The following MYO5A variants were observed in gnomAD, a reference collection of about 807,000 sequenced individuals.
MYO5A encodes unconventional myosin-Va.
In MYO5A, 98 loss-of-function variants were observed where a neutral mutation model predicts 249.7. That is an observed-to-expected ratio of 0.39 (90% CI 0.33 to 0.46). The LOEUF is 0.46. Ranked by LOEUF, MYO5A falls within the 20% of genes least tolerant of loss-of-function variation. The pLI, the probability that MYO5A is intolerant of heterozygous loss-of-function variation, is 0.98. For missense variants in MYO5A, 1,696 were observed against 2,308.8 expected, an observed-to-expected ratio of 0.73 and a Z score of 5.44; for synonymous variants, 778 against 810.6, an observed-to-expected ratio of 0.96 and a Z score of 0.68.
At chr15:52,328,451 C>G (rs1370265767) in intron 35 of MYO5A, among the ~76,000 whole-genome samples, 1 of 152,146 alleles carries the variant, frequency 6.6e-6, no homozygotes, top group East Asian at 1.9e-4. Flanking sequence ...ACCACATATC[C>G]AATCCATCAA....
intron 1 of MYO5A, among the ~76,000 whole-genome samples, chr15:52,507,031 C>CT (rs935707724): frequency 7.9e-5 from 12 of 151,970 alleles, no homozygotes; most frequent in African/African-American, 2.7e-4. Context: ...AGAGAAGCTA[C>CT]TTTTTTTTCC....
chr15:52,334,219 A>T (rs1164306110), intron 34 of MYO5A, among the ~76,000 whole-genome samples: 1 of 152,262 alleles, frequency 6.6e-6, no homozygotes, highest in Non-Finnish European at 1.5e-5. Context: ...ACTAATAAAA[A>T]TTATGTAAAA....
chr15:52,381,761 G>GTC (rs201082702), intron 16 of MYO5A, among the ~76,000 whole-genome samples: 122 of 143,642 alleles, frequency 8.5e-4, no homozygotes, highest in East Asian at 5.9e-3. Context: ...CCCTCCTTTT[G>GTC]TGTCTCTCTC....
At chr15:52,470,518 C>T (rs563848948) in intron 1 of MYO5A, among the ~76,000 whole-genome samples, 36 of 152,158 alleles carry the variant, frequency 2.4e-4, no homozygotes, top group South Asian at 1.5e-3. Context: ...GGCGTGGTGG[C>T]GCATCTCTGT....
At chr15:52,368,236 G>GT (rs1054894597) in intron 22 of MYO5A, among the ~76,000 whole-genome samples, 3 of 152,196 alleles carry the variant, frequency 2.0e-5, no homozygotes, top group African/African-American at 7.2e-5. Flanking sequence ...CATCAGTCCA[G>GT]TAGGTATCCC....
chr15:52,329,905 A>ATTTTTTTTTTTTTTTTTTTTTTTTTT (rs58058940), intron 35 of MYO5A, among the ~76,000 whole-genome samples: 7 of 119,724 alleles, frequency 5.8e-5, no homozygotes, highest in Admixed American at 1.6e-4. Context: ...CGCCTGGGTA[A>ATTTTTTTTTTTTTTTTTTTTTTTTTT]TTTTTTTTTT....
At chr15:52,375,495 T>C in intron 19 of MYO5A, 35 bp from the exon 20 acceptor site, 1 of 1,611,928 alleles carries the variant, frequency 6.2e-7, no homozygotes, top group Non-Finnish European at 8.5e-7. Context: ...TTGTCAGTAA[T>C]CAGAAAAAAA....
intron 1 of MYO5A, among the ~76,000 whole-genome samples, chr15:52,497,235 T>A (rs1271969151): frequency 6.6e-6 from 1 of 152,048 alleles, no homozygotes; most frequent in East Asian, 1.9e-4. Context: ...GTGTTGGGAT[T>A]ACAGGTGTGG....
Position 52,351,359 on chromosome 15 carries a change from G to A in MYO5A, c.3744C>T (p.Leu1248=), listed in dbSNP as rs1378291239. ...TAPGAPAYRV[L]MEQLTSVSEE... ...CGCTCACAGAGGTCAGCTGCTCCAT[G>A]AGGACACGGTAGGCAGGTGCACCTG... Residue 1248 remains leucine (L), a synonymous_variant, in exon 28 of 42, where the codon CTC becomes CTT. Coordinates refer to ENST00000399233, the MANE Select transcript of MYO5A (RefSeq NM_001382347.1). 3 of 1,614,108 alleles carry A rather than the reference G, an allele frequency of 1.9e-6. No homozygotes were observed. The highest frequency in any genetic ancestry group is 2.5e-6 in the Non-Finnish European group (3 of 1,180,052).
intron 5 of MYO5A, 77 bp downstream of exon 5, chr15:52,416,068 T>C: frequency 1.3e-6 from 2 of 1,523,234 alleles, no homozygotes; most frequent in Non-Finnish European, 1.8e-6. Context: ...TTCTGAGACA[T>C]GCTGTATCAA....
In MYO5A at chr15:52,364,712, A is replaced by G. The variant is rs752322912; in HGVS notation, c.3161-10T>C. 1 of 1,613,202 alleles carries G rather than the reference A, an allele frequency of 6.2e-7. No homozygotes were observed. ...TTCTTCTCCATAGTTTCTGAAATTA[A>G]AAAAAGGATATGCATACTAAAGATG... On this transcript the variant is annotated splice_polypyrimidine_tract_variant and intron_variant, in intron 23 of 41. Coordinates refer to ENST00000399233, the MANE Select transcript of MYO5A (RefSeq NM_001382347.1).
intron 9 of MYO5A, among the ~76,000 whole-genome samples, chr15:52,398,538 C>T (rs2042588338): frequency 6.6e-6 from 1 of 152,142 alleles, no homozygotes; most frequent in Admixed American, 6.5e-5. Context: ...TCCTTGACAC[C>T]TTCATCTCTA....
chr15:52,431,742 T>G (rs1239321990), intron 2 of MYO5A, among the ~76,000 whole-genome samples: 1 of 151,272 alleles, frequency 6.6e-6, no homozygotes, highest in African/African-American at 2.4e-5. Flanking sequence ...TCCCAGCACT[T>G]CAGGAGACCG....
At chr15:52,481,853 T>C (rs954425825) in intron 1 of MYO5A, among the ~76,000 whole-genome samples, 1 of 152,162 alleles carries the variant, frequency 6.6e-6, no homozygotes. Context: ...GATGAAAGAA[T>C]TGGCTAGAGC....
At chr15:52,448,957 C>CTTTTT (rs145765339) in intron 1 of MYO5A, among the ~76,000 whole-genome samples, 653 of 55,658 alleles carry the variant, frequency 0.012, 39 homozygotes, top group African/African-American at 0.027. Flanking sequence ...TCTTGTCTTT[C>CTTTTT]TTTTTTTTTT....
rs2037658377 is a variant in MYO5A, at chr15:52,307,477, A to C, written c.*6219T>G. 6.6e-6 allele frequency: 1 copy of C among 152,196 alleles called. No homozygotes were observed. Among genetic ancestry groups the C allele is most frequent in the African/African-American group, 2.4e-5 (1 of 41,458 alleles). The allele number at this position is 152,196 out of a possible 1,614,324, so 9.4% of individuals were successfully genotyped here. ...ACCCATGTTTCAAAGGCTTTTGTTG[A>C]TATGAGATGAATTATTAACTTATTT... On this transcript the variant is annotated 3_prime_UTR_variant, in exon 42 of 42. Coordinates refer to ENST00000399233, the MANE Select transcript of MYO5A (RefSeq NM_001382347.1).
intron 1 of MYO5A, among the ~76,000 whole-genome samples, chr15:52,513,836 G>T (rs2077445503): frequency 6.6e-6 from 1 of 152,180 alleles, no homozygotes; most frequent in Non-Finnish European, 1.5e-5. Flanking sequence ...TCTCTGACAT[G>T]GGTCAGTACT....
chr15:52,450,607 T>TG (rs1411371554), intron 1 of MYO5A, among the ~76,000 whole-genome samples: 1 of 149,220 alleles, frequency 6.7e-6, no homozygotes, highest in Non-Finnish European at 1.5e-5. Flanking sequence ...AGGTGGAGGC[T>TG]GCAAGAGCCA....
At chr15:52,397,511 G>A (rs1333533627) in intron 9 of MYO5A, 45 bp from the exon 10 acceptor site, 2 of 1,600,674 alleles carry the variant, frequency 1.2e-6, no homozygotes, top group Admixed American at 1.7e-5. Flanking sequence ...GATAAATCAA[G>A]TAAGAATCTC....
Sources: allele counts gnomAD v4.1 joint callset (sites outside exome capture counted in the v4.1 genomes callset), GRCh38; gene constraint gnomAD v4.1.1; transcripts MANE v1.5; gene names NCBI Gene and HGNC (gene_info 2026-07-23, HGNC 2026-07-21).